Variants in PCDHGB1 observed in about 807,000 individuals in gnomAD.
The protein encoded by PCDHGB1 is protocadherin gamma-B1.
A neutral mutation model predicts 56.6 loss-of-function variants in PCDHGB1; 34 were observed. The ratio of observed to expected loss-of-function variants is 0.60; its 90% CI spans 0.46 to 0.80. The LOEUF (loss-of-function observed/expected upper bound fraction) is 0.80, where lower values mean the gene tolerates loss of function less well. Ranked by LOEUF, PCDHGB1 falls within the 30% of genes least tolerant of loss-of-function variation. The pLI is 0.00. For synonymous variants in PCDHGB1, 561 were observed against 505.9 expected, an observed-to-expected ratio of 1.11 and a Z score of -1.46; for missense variants, 1,278 against 1,204.6, an observed-to-expected ratio of 1.06 and a Z score of -0.90.
At chr5:141,481,220 C>T (rs896803040) in intron 1 of PCDHGB1, among the ~76,000 whole-genome samples, 1 of 152,130 alleles carries the variant, frequency 6.6e-6, no homozygotes, top group African/African-American at 2.4e-5. Context: ...GGTAAGGTCT[C>T]CCAGCCTTAA....
intron 1 of PCDHGB1, among the ~76,000 whole-genome samples, chr5:141,481,789 T>TAAAAATAC (rs972511310): frequency 3.3e-5 from 5 of 151,186 alleles, no homozygotes; most frequent in African/African-American, 1.2e-4. Flanking sequence ...CCGTCTCTAC[T>TAAAAATAC]AAAAATACAA....
At chr5:141,365,492 A>G in intron 1 of PCDHGB1, 1 of 1,613,970 alleles carries the variant, frequency 6.2e-7, no homozygotes, top group Non-Finnish European at 8.5e-7. Flanking sequence ...CTCTATTCCT[A>G]GGAATTTGCC....
At chr5:141,389,640 G>A in intron 1 of PCDHGB1, 1 of 1,612,974 alleles carries the variant, frequency 6.2e-7, no homozygotes, top group Non-Finnish European at 8.5e-7. Flanking sequence ...TGGCTACTTG[G>A]TGACCAAGGT....
chr5:141,486,405 G>A lies in PCDHGB1; in HGVS notation c.2410-8402G>A. 6.2e-7 allele frequency: 1 copy of A among 1,614,114 alleles called. No homozygotes were observed. The highest frequency in any genetic ancestry group is 2.2e-5 in the East Asian group (1 of 44,862). On this transcript the variant is annotated intron_variant, in intron 1 of 3. Transcript: ENST00000523390. The surrounding 1 kb of genome is among the most constrained non-coding windows in gnomAD (Gnocchi z 5.0). ...AACCAGTTCTCCCTGGTGACTGCTG[G>A]ACCCTTGGATCGAGAGGCCAAATCT...
At chr5:141,445,553 A>G (rs948468877) in intron 1 of PCDHGB1, among the ~76,000 whole-genome samples, 1 of 152,252 alleles carries the variant, frequency 6.6e-6, no homozygotes, top group Non-Finnish European at 1.5e-5. Context: ...ATACAAAAGC[A>G]CTAAGAGAAA....
At chr5:141,441,196 G>C (rs575668023) in intron 1 of PCDHGB1, 2 of 152,266 alleles carry the variant, frequency 1.3e-5, no homozygotes, top group East Asian at 3.9e-4. Flanking sequence ...GATTCCCAAA[G>C]ATTCTGCACC....
In PCDHGB1 at chr5:141,370,921, C is replaced by T. The variant is rs1767318937; in HGVS notation, c.2409+18252C>T. Reference sequence around the variant, plus strand: ...CAGCAGTACTACCTCAGCCCTGATCCGCACTTCTCTTTGATTCAGAAGGAG... The same window carrying T: ...CAGCAGTACTACCTCAGCCCTGATCTGCACTTCTCTTTGATTCAGAAGGAG... On this transcript the variant is annotated intron_variant, in intron 1 of 3. Coordinates refer to ENST00000523390, the MANE Select transcript of PCDHGB1 (RefSeq NM_018922.3). 2 of 1,613,978 alleles carry T rather than the reference C, an allele frequency of 1.2e-6. No homozygotes were observed. Among genetic ancestry groups the T allele is most frequent in the Admixed American group, 1.7e-5 (1 of 60,006 alleles).
chr5:141,473,655 G>A (rs2099326380), intron 1 of PCDHGB1, among the ~76,000 whole-genome samples: 1 of 152,182 alleles, frequency 6.6e-6, no homozygotes, highest in Non-Finnish European at 1.5e-5. Context: ...AACAATTTGT[G>A]TGAAGGCCCT....
At chr5:141,505,599 G>T in intron 3 of PCDHGB1, 118 bp downstream of exon 3, 1 of 1,555,586 alleles carries the variant, frequency 6.4e-7, no homozygotes, top group Non-Finnish European at 8.7e-7. Context: ...CAGATCTTTC[G>T]GCAGGTCTGA....
intron 1 of PCDHGB1, chr5:141,416,848 G>A (rs2154546681): frequency 1.3e-5 from 2 of 152,166 alleles, no homozygotes; most frequent in East Asian, 3.9e-4. Flanking sequence ...ATAATTCCAT[G>A]ATTTTTTTCA....
At chr5:141,374,163 C>A (rs764323551) in intron 1 of PCDHGB1, 1 of 1,612,604 alleles carries the variant, frequency 6.2e-7, no homozygotes, top group East Asian at 2.2e-5. Flanking sequence ...TGGGGGGCCG[C>A]GGCAGCGCAG....
rs760017836 is a variant in PCDHGB1, at chr5:141,432,060, C to G, written c.2410-62747C>G. 1.2e-6 allele frequency: 2 copies of G among 1,614,200 alleles called. No homozygotes were observed. The highest frequency in any genetic ancestry group is 1.7e-6 in the Non-Finnish European group (2 of 1,180,048). ...GACCGGGGAACCCCGCCCCTATCCACGGAAACTCATATCTCGCTGAACGTG... is the reference window on the plus strand; with the variant it reads ...GACCGGGGAACCCCGCCCCTATCCAGGGAAACTCATATCTCGCTGAACGTG... On this transcript the variant is annotated intron_variant, in intron 1 of 3. Coordinates refer to ENST00000523390, the MANE Select transcript of PCDHGB1 (RefSeq NM_018922.3). The surrounding 1 kb of genome is among the most constrained non-coding windows in gnomAD (Gnocchi z 6.0).
intron 1 of PCDHGB1, among the ~76,000 whole-genome samples, chr5:141,425,918 C>T (rs901485843): frequency 1.1e-4 from 16 of 152,200 alleles, no homozygotes; most frequent in Admixed American, 2.0e-4. Flanking sequence ...ACAGTCACTA[C>T]GAAAACTCAT....
intron 1 of PCDHGB1, chr5:141,355,130 A>C (rs573009083): frequency 6.6e-7 from 1 of 1,518,662 alleles, no homozygotes; most frequent in South Asian, 1.3e-5. Context: ...TTGGACCCAG[A>C]AGATCCTGGG....
At chr5:141,505,085 C>A (rs954289918) in intron 2 of PCDHGB1, among the ~76,000 whole-genome samples, 1 of 152,162 alleles carries the variant, frequency 6.6e-6, no homozygotes, top group Non-Finnish European at 1.5e-5. Context: ...TCGCTTGAAC[C>A]CAGGAGGTGG....
At chr5:141,399,915 C>T in intron 1 of PCDHGB1, 1 of 1,612,364 alleles carries the variant, frequency 6.2e-7, no homozygotes, top group Non-Finnish European at 8.5e-7. Flanking sequence ...ACTCAGGACA[C>T]AACGCCTGGC....
At chr5:141,409,398 A>C in intron 1 of PCDHGB1, 1 of 1,614,050 alleles carries the variant, frequency 6.2e-7, no homozygotes, top group Non-Finnish European at 8.5e-7. Flanking sequence ...TCTTCTTCCA[A>C]TAACTACTAC....
At position 141,429,387 on chromosome 5, in the gene PCDHGB1, TAAAAA is replaced by T. The variant is rs11410533; in HGVS notation, c.2410-65416_2410-65412del. On this transcript the variant is annotated intron_variant, in intron 1 of 3. Transcript: ENST00000523390. ...AAATGGAGAAAATGTGTTTTTTTTT[TAAAAA>T]AAATTGAGATTAAGGTCTCATTATG... 8.8e-4 allele frequency among the ~76,000 whole-genome samples: 134 copies of T among 151,448 alleles called. 1 individual carries two copies. Among genetic ancestry groups the T allele is most frequent in the Non-Finnish European group, 1.5e-3 (103 of 67,818 alleles).
intron 1 of PCDHGB1, chr5:141,413,905 C>G: frequency 6.2e-7 from 1 of 1,613,338 alleles, no homozygotes; most frequent in Non-Finnish European, 8.5e-7. Context: ...TGACAACGCG[C>G]CGGTCTTCAC....
Sources: gnomAD v4.1 joint callset for allele counts (sites outside exome capture counted in the v4.1 genomes callset) on GRCh38, gnomAD v4.1.1 for gene constraint, Gnocchi (gnomAD v3.1) non-coding constraint, MANE v1.5 for transcripts, NCBI Gene and HGNC (gene_info 2026-07-23, HGNC 2026-07-21) for gene names.